CDH13: variants seen among roughly 807,000 people sequenced by gnomAD.
CDH13 encodes cadherin-13.
In CDH13, 24 loss-of-function variants were observed where a neutral mutation model predicts 63.8. The observed-to-expected ratio is 0.38, with a 90% CI of 0.27 to 0.53. The LOEUF (loss-of-function observed/expected upper bound fraction) is 0.53, where lower values mean the gene tolerates loss of function less well. Among genes scored for constraint, CDH13 ranks in the 20% least tolerant of loss-of-function variants. The probability of loss-of-function intolerance (pLI) is 0.85; values close to 1 mark genes in which losing one functional copy is unlikely to be tolerated. For missense variants in CDH13, 1,049 were observed against 903.1 expected, an observed-to-expected ratio of 1.16 and a Z score of -2.07; for synonymous variants, 503 against 355.3, an observed-to-expected ratio of 1.42 and a Z score of -4.67.
intron 11 of CDH13, among the ~76,000 whole-genome samples, chr16:83,748,836 G>A (rs1045474767): frequency 3.0e-4 from 46 of 152,174 alleles, no homozygotes; most frequent in African/African-American, 1.0e-3. Context: ...TGGAGCTGAC[G>A]TGCAGAAAGG....
intron 6 of CDH13, among the ~76,000 whole-genome samples, chr16:83,433,964 A>G (rs549754519): frequency 4.6e-5 from 7 of 151,928 alleles, no homozygotes; most frequent in South Asian, 2.1e-4. Context: ...AATCTTTTCT[A>G]TTACTTATTT....
chr16:83,032,952 G>A (rs1375866286), intron 3 of CDH13, among the ~76,000 whole-genome samples: 1 of 152,112 alleles, frequency 6.6e-6, no homozygotes. Flanking sequence ...ATACATATAC[G>A]GTGTATGTGT....
intron 6 of CDH13, among the ~76,000 whole-genome samples, chr16:83,363,245 T>C (rs1234993109): frequency 6.6e-6 from 1 of 152,238 alleles, no homozygotes; most frequent in Non-Finnish European, 1.5e-5. Flanking sequence ...TGGCTGCTTC[T>C]TGTGCTTCAT....
intron 5 of CDH13, among the ~76,000 whole-genome samples, chr16:83,333,106 G>A (rs1459448251): frequency 6.6e-6 from 1 of 152,068 alleles, no homozygotes; most frequent in Non-Finnish European, 1.5e-5. Flanking sequence ...TGTCAAGCGG[G>A]GGATAAATGA....
chr16:82,879,218 G>A (rs564516846), intron 2 of CDH13, among the ~76,000 whole-genome samples: 1 of 152,120 alleles, frequency 6.6e-6, no homozygotes, highest in Non-Finnish European at 1.5e-5. Context: ...TTGGATGCCA[G>A]CTCTAATACT....
chr16:83,037,720 C>T (rs898846783), intron 3 of CDH13, among the ~76,000 whole-genome samples: 1 of 152,136 alleles, frequency 6.6e-6, no homozygotes, highest in African/African-American at 2.4e-5. Context: ...GAAGGAAGAA[C>T]AGCATAGTGG....
chr16:83,570,512 C>T (rs918970864), intron 7 of CDH13, among the ~76,000 whole-genome samples: 3 of 151,856 alleles, frequency 2.0e-5, no homozygotes, highest in East Asian at 1.9e-4. Flanking sequence ...CTGCCCTCAC[C>T]GTACTCATGG....
chr16:83,707,473 T>G (rs1325043710), intron 10 of CDH13, among the ~76,000 whole-genome samples: 1 of 152,244 alleles, frequency 6.6e-6, no homozygotes, highest in Non-Finnish European at 1.5e-5. Context: ...TGCTTTTAAG[T>G]TGACTTTAAT....
chr16:83,422,348 A>G (rs1394838756), intron 6 of CDH13, among the ~76,000 whole-genome samples: 5 of 152,190 alleles, frequency 3.3e-5, no homozygotes, highest in Non-Finnish European at 7.3e-5. Flanking sequence ...GTTTCCTATG[A>G]TGTTTAGGAG....
At chr16:82,796,161 C>G (rs567797234) in intron 1 of CDH13, among the ~76,000 whole-genome samples, 1 of 152,020 alleles carries the variant, frequency 6.6e-6, no homozygotes, top group South Asian at 2.1e-4. Flanking sequence ...TAGGCAGCCT[C>G]GTGGGTAATA....
At chr16:83,210,514 C>A (rs1033569684) in intron 4 of CDH13, among the ~76,000 whole-genome samples, 5 of 151,990 alleles carry the variant, frequency 3.3e-5, no homozygotes, top group African/African-American at 1.2e-4. Flanking sequence ...TATTCATTTA[C>A]GTATTCATTA....
chr16:82,677,679 A>G (rs1292807044), intron 1 of CDH13, among the ~76,000 whole-genome samples: 1 of 152,160 alleles, frequency 6.6e-6, no homozygotes, highest in East Asian at 1.9e-4. Context: ...AAAACACAAT[A>G]CACTATAAGG....
At chr16:82,676,167 T>C (rs1461384985) in intron 1 of CDH13, among the ~76,000 whole-genome samples, 1 of 152,188 alleles carries the variant, frequency 6.6e-6, no homozygotes, top group East Asian at 1.9e-4. Context: ...CCACCAATAA[T>C]TCATATATTT....
At chr16:83,070,940 G>A (rs1017980051) in intron 3 of CDH13, among the ~76,000 whole-genome samples, 2 of 151,044 alleles carry the variant, frequency 1.3e-5, no homozygotes, top group Non-Finnish European at 2.9e-5. Flanking sequence ...GTTAGGAGGG[G>A]AGTTATGCTT....
chr16:83,124,319 T>A (rs2035718452), intron 3 of CDH13, among the ~76,000 whole-genome samples: 2 of 152,316 alleles, frequency 1.3e-5, no homozygotes, highest in Middle Eastern at 3.4e-3. Context: ...GTGCTGGGAT[T>A]ATAGGTGTGA....
chr16:82,985,150 C>T (rs1486864898), intron 2 of CDH13, among the ~76,000 whole-genome samples: 1 of 152,186 alleles, frequency 6.6e-6, no homozygotes. Context: ...GGAATCCTTA[C>T]AGAAATACAT....
At chr16:83,596,252 T>C (rs1480524612) in intron 7 of CDH13, among the ~76,000 whole-genome samples, 1 of 152,206 alleles carries the variant, frequency 6.6e-6, no homozygotes, top group Non-Finnish European at 1.5e-5. Context: ...GCCTTCCTCA[T>C]GGGCAGAGAG....
At chr16:83,045,631 C>G (rs1266083644) in intron 3 of CDH13, among the ~76,000 whole-genome samples, 5 of 85,720 alleles carry the variant, frequency 5.8e-5, no homozygotes, top group South Asian at 4.7e-4. Flanking sequence ...ATCAAGATTC[C>G]TTTAAAAAAA....
At chr16:83,631,587 T>A (rs1910784465) in intron 8 of CDH13, among the ~76,000 whole-genome samples, 1 of 152,098 alleles carries the variant, frequency 6.6e-6, no homozygotes, top group African/African-American at 2.4e-5. Context: ...AGTGTCAAAA[T>A]GGCAAGCTCC....
Sources: allele counts gnomAD v4.1 joint callset (sites outside exome capture counted in the v4.1 genomes callset), GRCh38; gene constraint gnomAD v4.1.1; transcripts MANE v1.5; gene names NCBI Gene and HGNC (gene_info 2026-07-23, HGNC 2026-07-21).